The following SLIT3 variants were observed in gnomAD, a reference collection of about 807,000 sequenced individuals.
SLIT3 encodes the protein slit homolog 3 protein.
In SLIT3, 68 loss-of-function variants were observed where a neutral mutation model predicts 184.0. The ratio of observed to expected loss-of-function variants is 0.37; its 90% CI spans 0.30 to 0.45. SLIT3 has a LOEUF of 0.45. Among genes scored for constraint, SLIT3 ranks in the 20% least tolerant of loss-of-function variants. The pLI is 1.00. For synonymous variants in SLIT3, 831 were observed against 828.6 expected (o/e 1.00, Z -0.05); for missense variants, 1,707 against 2,026.0 (o/e 0.84, Z 3.02).
At chr5:168,710,291 G>A (rs1762512250) in intron 25 of SLIT3, 1 of 152,172 alleles carries the variant, frequency 6.6e-6, no homozygotes, top group Non-Finnish European at 1.5e-5. Flanking sequence ...GTTGTTACAT[G>A]AAGAATGAGA....
intron 4 of SLIT3, among the ~76,000 whole-genome samples, chr5:169,003,858 G>T (rs78036967): frequency 2.6e-5 from 4 of 152,244 alleles, no homozygotes; most frequent in Admixed American, 2.0e-4. Flanking sequence ...GCTTTGACAT[G>T]GTGGCTCTGG....
At chr5:168,821,277 T>C (rs1434921539) in intron 7 of SLIT3, among the ~76,000 whole-genome samples, 1 of 152,250 alleles carries the variant, frequency 6.6e-6, no homozygotes, top group Non-Finnish European at 1.5e-5. Flanking sequence ...GCCCAGCTTC[T>C]GTTATTGCTG....
At position 169,288,326 on chromosome 5, in the gene SLIT3, T is replaced by C. The variant is rs562902165; in HGVS notation, c.197+12187A>G. Among the ~76,000 whole-genome samples the C allele has an allele frequency of 1.1e-4, 17 of 150,620 alleles. No individual in the cohort carries two copies. The East Asian group carries it at 2.0e-3, about 18-fold the overall frequency. The stretch of plus-strand genomic sequence containing the variant: ...TACTTGAATGCTTTCTCAGATACAA[T>C]TGTTCTCAGATTAATATTTCCCCCT... On this transcript the variant is annotated intron_variant, in intron 1 of 35. Transcript: ENST00000519560.
At chr5:168,809,337 C>T (rs1757088524) in intron 8 of SLIT3, among the ~76,000 whole-genome samples, 3 of 152,136 alleles carry the variant, frequency 2.0e-5, no homozygotes, top group African/African-American at 4.8e-5. Flanking sequence ...ATTCCTTAAC[C>T]AGGTCACTAA....
intron 4 of SLIT3, among the ~76,000 whole-genome samples, chr5:169,023,388 G>T (rs567399812): frequency 1.3e-5 from 2 of 152,156 alleles, no homozygotes; most frequent in East Asian, 3.9e-4. Flanking sequence ...AAAAAAGAGG[G>T]GTGGAATTTT....
chr5:169,244,097 CCT>C (rs1765498460), intron 3 of SLIT3, among the ~76,000 whole-genome samples: 1 of 152,230 alleles, frequency 6.6e-6, no homozygotes, highest in Admixed American at 6.5e-5. Context: ...CATCCCTTTT[CCT>C]CTTTCCCTCT....
chr5:169,061,341 T>C (rs760543001), intron 4 of SLIT3, among the ~76,000 whole-genome samples: 1 of 152,170 alleles, frequency 6.6e-6, no homozygotes, highest in Non-Finnish European at 1.5e-5. Flanking sequence ...GGCTGGATGT[T>C]GACTAGAGGC....
chr5:169,292,132 C>T (rs962716908), intron 1 of SLIT3, among the ~76,000 whole-genome samples: 5 of 152,102 alleles, frequency 3.3e-5, no homozygotes, highest in African/African-American at 7.2e-5. Context: ...AAAATGTGCC[C>T]GATGCCAATG....
intron 4 of SLIT3, among the ~76,000 whole-genome samples, chr5:169,116,032 C>T (rs1356908691): frequency 6.6e-6 from 1 of 152,124 alleles, no homozygotes; most frequent in Non-Finnish European, 1.5e-5. Flanking sequence ...CTAGCCAATG[C>T]TGATGGAGCT....
chr5:168,806,581 T>C lies in SLIT3; in HGVS notation c.800A>G (p.His267Arg), dbSNP rs1175410092. Reference sequence around the variant, plus strand: ...GGCATTGCAGGATGGGGGCTCCGAGTGGGGGGCTGTGGAGCCAAGACACAA... The same window carrying C: ...GGCATTGCAGGATGGGGGCTCCGAGCGGGGGGCTGTGGAGCCAAGACACAA... ...QKKEYVCPAP[H>R]SEPPSCNANS... The change falls in exon 9 of 36, where the codon CAC (histidine) becomes CGC (arginine). Residue 267 changes from histidine to arginine, a missense_variant. Physicochemically the swap from His to Arg is conservative, Grantham distance 29. Around this residue, in one of 3 missense-constraint regions of SLIT3, gnomAD observed 1,307 missense variants for 1,511.6 expected, o/e 0.86. Coordinates refer to ENST00000519560, the MANE Select transcript of SLIT3 (RefSeq NM_003062.4). 2 of 1,613,586 alleles carry C rather than the reference T, an allele frequency of 1.2e-6. No homozygotes were observed. Among genetic ancestry groups the C allele is most frequent in the Non-Finnish European group, 1.7e-6 (2 of 1,179,900 alleles).
chr5:168,700,252 T>A (rs1762174262), intron 27 of SLIT3, among the ~76,000 whole-genome samples: 1 of 152,128 alleles, frequency 6.6e-6, no homozygotes, highest in African/African-American at 2.4e-5. Context: ...ATTATAATAA[T>A]CCCCAAGTGT....
chr5:169,065,523 A>G (rs112990544), intron 4 of SLIT3, among the ~76,000 whole-genome samples: 12 of 152,326 alleles, frequency 7.9e-5, no homozygotes, highest in African/African-American at 2.9e-4. Context: ...TCTCTGGGGA[A>G]TGAATGGGAG....
chr5:168,758,640 G>A (rs76216743), intron 16 of SLIT3, among the ~76,000 whole-genome samples: 1,604 of 152,234 alleles, frequency 0.011, 24 homozygotes, highest in Admixed American at 0.046. Flanking sequence ...CACTGCACCC[G>A]GTTACACAGC....
intron 4 of SLIT3, among the ~76,000 whole-genome samples, chr5:169,108,307 G>A (rs150525063): frequency 1.1e-4 from 17 of 152,352 alleles, no homozygotes; most frequent in African/African-American, 3.4e-4. Flanking sequence ...ACATTTGGAT[G>A]CTGGAGTCAC....
chr5:169,065,590 A>G (rs1198027860), intron 4 of SLIT3, among the ~76,000 whole-genome samples: 2 of 152,196 alleles, frequency 1.3e-5, no homozygotes, highest in Non-Finnish European at 2.9e-5. Flanking sequence ...TCGTCACATC[A>G]GACATCCTGC....
chr5:168,810,548 T>C (rs1394824544), intron 8 of SLIT3, among the ~76,000 whole-genome samples: 1 of 152,168 alleles, frequency 6.6e-6, no homozygotes, highest in East Asian at 1.9e-4. Flanking sequence ...TCTGCTGGGG[T>C]GGATTTCTTC....
At chr5:168,689,388 C>T (rs192941868) in intron 29 of SLIT3, among the ~76,000 whole-genome samples, 2 of 152,262 alleles carry the variant, frequency 1.3e-5, no homozygotes, top group African/African-American at 2.4e-5. Flanking sequence ...GGAGAGTAAC[C>T]GCATGCTGTC....
At chr5:168,954,944 C>T (rs547076331) in intron 4 of SLIT3, among the ~76,000 whole-genome samples, 6 of 152,308 alleles carry the variant, frequency 3.9e-5, no homozygotes, top group Admixed American at 2.0e-4. Context: ...TTTAGCCTTA[C>T]GTCCAAAGCC....
rs181124056 is a variant in SLIT3, at chr5:169,094,688, C to T, written c.413+98791G>A. ...GCCCCCTCCAAATGTACTACAGATC[C>T]CCTGTGGGCAGAATAGAGTGCTGAC... is the stretch of plus-strand genomic sequence containing the variant. On this transcript the variant is annotated intron_variant, in intron 4 of 35. Transcript: ENST00000519560. Among the ~76,000 whole-genome samples, 757 of 152,294 alleles carry T rather than the reference C, an allele frequency of 5.0e-3. 5 individuals are homozygous for T. Among genetic ancestry groups the T allele is most frequent in the African/African-American group, 0.017 (711 of 41,552 alleles).
Sources: allele counts gnomAD v4.1 joint callset (sites outside exome capture counted in the v4.1 genomes callset), GRCh38; gene constraint gnomAD v4.1.1; regional missense constraint gnomAD v4.1.1; transcripts MANE v1.5; gene names NCBI Gene and HGNC (gene_info 2026-07-23, HGNC 2026-07-21).